DCC: variants seen among roughly 807,000 people sequenced by gnomAD.
DCC encodes netrin receptor DCC.
A neutral mutation model predicts 172.5 loss-of-function variants in DCC; 58 were observed. The ratio of observed to expected loss-of-function variants is 0.34; its 90% CI spans 0.27 to 0.42. The LOEUF (loss-of-function observed/expected upper bound fraction) is 0.42, where lower values mean the gene tolerates loss of function less well. Ranked by LOEUF, DCC falls within the 10% of genes least tolerant of loss-of-function variation. The pLI, the probability that DCC is intolerant of heterozygous loss-of-function variation, is 1.00. For missense variants in DCC, 1,740 were observed against 1,791.0 expected, an observed-to-expected ratio of 0.97 and a Z score of 0.51; for synonymous variants, 709 against 644.5, an observed-to-expected ratio of 1.10 and a Z score of -1.52.
At chr18:52,844,896 G>A (rs2038861115) in intron 2 of DCC, among the ~76,000 whole-genome samples, 1 of 152,176 alleles carries the variant, frequency 6.6e-6, no homozygotes, top group Non-Finnish European at 1.5e-5. Flanking sequence ...AATGGCTCTG[G>A]ATTTGTGCTT....
At position 52,925,325 on chromosome 18, in the gene DCC, T is replaced by C. The variant is rs1164099475; in HGVS notation, c.940T>C (p.Tyr314His). The change falls in exon 5 of 29, where the codon TAT becomes CAT. Residue 314 changes from tyrosine (Y) to histidine (H), a missense_variant. Coordinates refer to ENST00000442544, the MANE Select transcript of DCC (RefSeq NM_005215.4). ...DSGMYTCVVT[Y>H]KNENISASAE... Reference sequence around the variant, plus strand: ...TGGAATGTATACCTGTGTTGTCACATATAAAAATGAGAATATTAGTGCCTC... The same window carrying C: ...TGGAATGTATACCTGTGTTGTCACACATAAAAATGAGAATATTAGTGCCTC... The C allele has an allele frequency of 1.8e-5, 29 of 1,612,588 alleles. No individual in the cohort carries two copies. The highest frequency in any genetic ancestry group is 2.4e-5 in the Non-Finnish European group (28 of 1,178,940).
At chr18:53,194,469 GTTGT>G (rs891630879) in intron 9 of DCC, among the ~76,000 whole-genome samples, 4 of 151,426 alleles carry the variant, frequency 2.6e-5, no homozygotes, top group African/African-American at 4.9e-5. Flanking sequence ...TGTTTTTGTT[GTTGT>G]TTGTTTTTTT....
chr18:53,406,053 C>T (rs1213938002), intron 19 of DCC, among the ~76,000 whole-genome samples: 1 of 152,066 alleles, frequency 6.6e-6, no homozygotes, highest in Non-Finnish European at 1.5e-5. Context: ...TATTGTATAG[C>T]CAGAGATATG....
intron 1 of DCC, among the ~76,000 whole-genome samples, chr18:52,349,902 G>GTT: frequency 6.6e-6 from 1 of 152,052 alleles, no homozygotes; most frequent in African/African-American, 2.4e-5. Flanking sequence ...TTGTAATCAA[G>GTT]GGGCCTAACT....
At chr18:53,166,782 G>C (rs1304719727) in intron 8 of DCC, among the ~76,000 whole-genome samples, 1 of 152,086 alleles carries the variant, frequency 6.6e-6, no homozygotes, top group Non-Finnish European at 1.5e-5. Flanking sequence ...AAACAAAAAA[G>C]AGACATTTCC....
At chr18:52,667,825 A>C (rs1197941382) in intron 1 of DCC, among the ~76,000 whole-genome samples, 1 of 152,224 alleles carries the variant, frequency 6.6e-6, no homozygotes, top group East Asian at 1.9e-4. Flanking sequence ...AAGACAAAGG[A>C]GGAAGCATTT....
chr18:53,202,275 G>A (rs564852844), intron 9 of DCC, among the ~76,000 whole-genome samples: 3 of 152,278 alleles, frequency 2.0e-5, no homozygotes, highest in East Asian at 1.9e-4. Flanking sequence ...AAACAATGGG[G>A]CATGTCACAG....
At chr18:53,378,222 A>C (rs1907451241) in intron 15 of DCC, among the ~76,000 whole-genome samples, 1 of 152,098 alleles carries the variant, frequency 6.6e-6, no homozygotes, top group Non-Finnish European at 1.5e-5. Flanking sequence ...CAGCCTCCCA[A>C]AGTGCTGGAA....
chr18:52,949,865 C>T (rs1388236656), intron 5 of DCC, among the ~76,000 whole-genome samples: 2 of 152,210 alleles, frequency 1.3e-5, no homozygotes, highest in African/African-American at 4.8e-5. Flanking sequence ...AAGTTCCCTC[C>T]TCTAACCTCT....
At chr18:53,145,387 A>G (rs2043896892) in intron 7 of DCC, among the ~76,000 whole-genome samples, 1 of 152,126 alleles carries the variant, frequency 6.6e-6, no homozygotes, top group Admixed American at 6.5e-5. Flanking sequence ...TGCTGGGATT[A>G]CAGGCATGAG....
At chr18:53,351,306 T>TATATATACACTGTATATATATATAC in intron 15 of DCC, among the ~76,000 whole-genome samples, 1 of 28,862 alleles carries the variant, frequency 3.5e-5, no homozygotes, top group South Asian at 2.5e-3. Flanking sequence ...TATATATATA[T>TATATATACACTGTATATATATATAC]ATATATATAC....
intron 7 of DCC, among the ~76,000 whole-genome samples, chr18:53,090,761 A>T (rs2042996196): frequency 7.0e-6 from 1 of 142,470 alleles, no homozygotes; most frequent in Admixed American, 7.5e-5. Context: ...TTGATGCTAA[A>T]ACTATCCTAA....
At chr18:53,128,870 CATATATATATATATATAT>C (rs367907467) in intron 7 of DCC, among the ~76,000 whole-genome samples, 114 of 77,458 alleles carry the variant, frequency 1.5e-3, no homozygotes, top group African/African-American at 5.9e-3. Flanking sequence ...CACACACACA[CATATATATATATATATAT>C]ATATATATAT....
chr18:52,415,362 T>C (rs1321282496), intron 1 of DCC, among the ~76,000 whole-genome samples: 1 of 152,210 alleles, frequency 6.6e-6, no homozygotes, highest in African/African-American at 2.4e-5. Flanking sequence ...TCCTGTGATA[T>C]GTTCTAAGCC....
intron 1 of DCC, among the ~76,000 whole-genome samples, chr18:52,477,655 C>T (rs1989132146): frequency 6.6e-6 from 1 of 152,130 alleles, no homozygotes; most frequent in Non-Finnish European, 1.5e-5. Context: ...CGCCCAACAC[C>T]CCATCTCACA....
At chr18:52,798,329 T>A (rs933983518) in intron 2 of DCC, among the ~76,000 whole-genome samples, 1 of 152,236 alleles carries the variant, frequency 6.6e-6, no homozygotes, top group Non-Finnish European at 1.5e-5. Context: ...AGCAGACTAG[T>A]CTTTGGCTGA....
chr18:53,210,801 T>A (rs978665820), intron 11 of DCC, among the ~76,000 whole-genome samples: 1 of 151,364 alleles, frequency 6.6e-6, no homozygotes, highest in African/African-American at 2.4e-5. Flanking sequence ...TTACTTTATG[T>A]TTTTTTTTCC....
intron 24 of DCC, among the ~76,000 whole-genome samples, 195 bp from the exon 25 acceptor site, chr18:53,467,699 G>A (rs1275417001): frequency 6.6e-6 from 1 of 152,128 alleles, no homozygotes; most frequent in Non-Finnish European, 1.5e-5. Context: ...ATGGTTTATT[G>A]TATGCAATGA....
rs1778027418 is a variant in DCC, at chr18:52,877,573, G to C, written c.413-28471G>C. The stretch of plus-strand genomic sequence containing the variant: ...AATACAAAAATTAGCCAGGCATGGT[G>C]GTGTGCACCTTTAATCCCAGGTACT... On this transcript the variant is annotated intron_variant, in intron 2 of 28. Coordinates refer to ENST00000442544, the MANE Select transcript of DCC (RefSeq NM_005215.4). Among the ~76,000 whole-genome samples, 6 of 152,062 alleles carry C rather than the reference G, an allele frequency of 3.9e-5. No individual in the cohort carries two copies. The South Asian group carries it at 1.3e-3, about 32-fold the overall frequency.
Sources: gnomAD v4.1 joint callset for allele counts (sites outside exome capture counted in the v4.1 genomes callset) on GRCh38, gnomAD v4.1.1 for gene constraint, MANE v1.5 for transcripts, NCBI Gene and HGNC (gene_info 2026-07-23, HGNC 2026-07-21) for gene names.